ATP9B: variants seen among roughly 807,000 people sequenced by gnomAD.
ATP9B encodes the protein ATPase phospholipid transporting 9B, also known as probable phospholipid-transporting ATPase IIB.
A neutral mutation model predicts 146.1 loss-of-function variants in ATP9B; 110 were observed. The observed-to-expected ratio is 0.75, with a 90% CI of 0.65 to 0.88. The LOEUF (loss-of-function observed/expected upper bound fraction) is 0.88, where lower values mean the gene tolerates loss of function less well. Ranked by LOEUF, ATP9B falls within the 40% of genes least tolerant of loss-of-function variation. ATP9B has a pLI of 0.00. For synonymous variants in ATP9B, 604 were observed against 569.7 expected (o/e 1.06, Z -0.86); for missense variants, 1,499 against 1,496.4 (o/e 1.00, Z -0.03).
chr18:79,145,236 G>C (rs2094567614), intron 6 of ATP9B: 3 of 157,840 alleles, frequency 1.9e-5, no homozygotes, highest in South Asian at 1.9e-4. Flanking sequence ...GCAGTGTGGA[G>C]AGTGACTGAA....
chr18:79,314,908 G>A (rs1186001330), intron 15 of ATP9B, among the ~76,000 whole-genome samples: 1 of 152,220 alleles, frequency 6.6e-6, no homozygotes, highest in Non-Finnish European at 1.5e-5. Flanking sequence ...GAGTGCAGAG[G>A]GTGTCAGCTC....
chr18:79,114,173 T>C (rs1035376968), intron 4 of ATP9B, among the ~76,000 whole-genome samples: 4 of 152,154 alleles, frequency 2.6e-5, no homozygotes, highest in Non-Finnish European at 5.9e-5. Context: ...TTGGCTAGGC[T>C]GGTCTCGAAC....
chr18:79,335,093 A>C (rs1441166769), intron 17 of ATP9B, among the ~76,000 whole-genome samples: 1 of 150,406 alleles, frequency 6.6e-6, no homozygotes, highest in Non-Finnish European at 1.5e-5. Context: ...AGGAAATGGC[A>C]CAGAAAGCGC....
At chr18:79,257,831 A>G (rs1311712960) in intron 12 of ATP9B, among the ~76,000 whole-genome samples, 1 of 152,218 alleles carries the variant, frequency 6.6e-6, no homozygotes, top group African/African-American at 2.4e-5. Context: ...TTTCAGTTCT[A>G]GAATGTCACA....
chr18:79,249,353 T>G (rs575510837), intron 11 of ATP9B, among the ~76,000 whole-genome samples: 1 of 152,346 alleles, frequency 6.6e-6, no homozygotes, highest in African/African-American at 2.4e-5. Flanking sequence ...CCTTGGAGAT[T>G]AAAATTTGCA....
intron 12 of ATP9B, among the ~76,000 whole-genome samples, chr18:79,262,646 A>C (rs1288091074): frequency 6.6e-6 from 1 of 152,228 alleles, no homozygotes; most frequent in Non-Finnish European, 1.5e-5. Flanking sequence ...CTGTGACAGG[A>C]AACCTGGTTA....
At chr18:79,228,900 C>G (rs2095762228) in intron 11 of ATP9B, among the ~76,000 whole-genome samples, 2 of 152,034 alleles carry the variant, frequency 1.3e-5, no homozygotes, top group Non-Finnish European at 2.9e-5. Context: ...GTAGGGCACA[C>G]CTGTGGTACA....
intron 13 of ATP9B, among the ~76,000 whole-genome samples, chr18:79,278,276 G>A (rs1044857262): frequency 2.0e-5 from 3 of 152,194 alleles, no homozygotes; most frequent in South Asian, 2.1e-4. Context: ...GACTTGATGC[G>A]ACTTTGATCG....
intron 12 of ATP9B, among the ~76,000 whole-genome samples, chr18:79,273,607 C>G (rs1016894134): frequency 6.6e-6 from 1 of 152,128 alleles, no homozygotes; most frequent in African/African-American, 2.4e-5. Context: ...GAATCTCGCG[C>G]GATTCTCAGA....
At chr18:79,172,820 TTATAAA>T (rs1294079890) in intron 7 of ATP9B, among the ~76,000 whole-genome samples, 8 of 152,272 alleles carry the variant, frequency 5.3e-5, no homozygotes, top group Non-Finnish European at 1.0e-4. Context: ...CAGGTTTTTG[TTATAAA>T]TAAAACTGCT....
chr18:79,149,940 G>A, intron 6 of ATP9B, among the ~76,000 whole-genome samples: 1 of 152,210 alleles, frequency 6.6e-6, no homozygotes, highest in East Asian at 1.9e-4. Context: ...AATTAGTTGG[G>A]TGTGGTAGTG....
At chr18:79,074,941 T>C (rs2072424888) in intron 1 of ATP9B, among the ~76,000 whole-genome samples, 1 of 152,264 alleles carries the variant, frequency 6.6e-6, no homozygotes, top group African/African-American at 2.4e-5. Context: ...TAAGATATTG[T>C]GACTCAACCT....
chr18:79,313,971 T>A (rs1297521499), intron 15 of ATP9B, among the ~76,000 whole-genome samples: 1 of 152,234 alleles, frequency 6.6e-6, no homozygotes, highest in African/African-American at 2.4e-5. Context: ...AAATGGTTCA[T>A]TATTTAGCTT....
At chr18:79,114,409 C>T (rs895536498) in intron 4 of ATP9B, among the ~76,000 whole-genome samples, 5 of 152,134 alleles carry the variant, frequency 3.3e-5, no homozygotes, top group African/African-American at 7.2e-5. Context: ...CATGGCGAGC[C>T]GAGCAGTCTG....
At chr18:79,249,819 CTTCTGT>C (rs2144977644) in intron 11 of ATP9B, among the ~76,000 whole-genome samples, 1 of 152,196 alleles carries the variant, frequency 6.6e-6, no homozygotes, top group South Asian at 2.1e-4. Context: ...TGTGTCTTTT[CTTCTGT>C]TTTGTTAGAA....
At chr18:79,216,531 AG>A (rs1156997013) in intron 11 of ATP9B, among the ~76,000 whole-genome samples, 2 of 152,314 alleles carry the variant, frequency 1.3e-5, no homozygotes, top group East Asian at 3.9e-4. Flanking sequence ...ATAAAAGGAA[AG>A]GTTTTCAGTG....
At chr18:79,118,390 G>GGTTTTTTTTTTTTTTTTT (rs1555689295) in intron 4 of ATP9B, among the ~76,000 whole-genome samples, 1 of 93,238 alleles carries the variant, frequency 1.1e-5, no homozygotes, top group African/African-American at 3.9e-5. Context: ...GAACGTTTTT[G>GGTTTTTTTTTTTTTTTTT]TTTTTTTTTT....
intron 13 of ATP9B, among the ~76,000 whole-genome samples, chr18:79,288,062 G>T (rs1188649996): frequency 1.3e-5 from 2 of 151,934 alleles, no homozygotes; most frequent in Non-Finnish European, 2.9e-5. Flanking sequence ...TGGAATAGGT[G>T]TGGTGTGGTG....
At chr18:79,079,175 C>A (rs1216728452) in intron 1 of ATP9B, among the ~76,000 whole-genome samples, 1 of 152,020 alleles carries the variant, frequency 6.6e-6, no homozygotes. Flanking sequence ...GGGTATATAC[C>A]CAGTAATGGG....
Sources: allele counts gnomAD v4.1 joint callset (sites outside exome capture counted in the v4.1 genomes callset), GRCh38; gene constraint gnomAD v4.1.1; transcripts MANE v1.5; gene names NCBI Gene and HGNC (gene_info 2026-07-23, HGNC 2026-07-21).